Variants in MTUS2 observed in about 807,000 individuals in gnomAD.
MTUS2 encodes microtubule-associated tumor suppressor candidate 2.
A neutral mutation model predicts 114.1 loss-of-function variants in MTUS2; 40 were observed. The observed-to-expected ratio is 0.35, with a 90% CI of 0.27 to 0.46. The LOEUF (loss-of-function observed/expected upper bound fraction) is 0.46. Ranked by LOEUF, MTUS2 falls within the 20% of genes least tolerant of loss-of-function variation. The pLI, the probability that MTUS2 is intolerant of heterozygous loss-of-function variation, is 1.00. For missense variants in MTUS2, 1,679 were observed against 1,705.4 expected, an observed-to-expected ratio of 0.98 and a Z score of 0.27; for synonymous variants, 688 against 672.0, an observed-to-expected ratio of 1.02 and a Z score of -0.37.
At chr13:29,387,586 G>C (rs907895829) in intron 8 of MTUS2, among the ~76,000 whole-genome samples, 2 of 152,330 alleles carry the variant, frequency 1.3e-5, no homozygotes, top group East Asian at 3.9e-4. Flanking sequence ...CCAGAGTGAA[G>C]TGAGGGAGAC....
At chr13:28,849,007 T>G (rs1189466249) in intron 2 of MTUS2, among the ~76,000 whole-genome samples, 1 of 152,236 alleles carries the variant, frequency 6.6e-6, no homozygotes, top group South Asian at 2.1e-4. Context: ...CTGCATGGTC[T>G]TCTTATAACA....
At chr13:29,080,240 G>A (rs1314547792) in intron 4 of MTUS2, among the ~76,000 whole-genome samples, 1 of 152,070 alleles carries the variant, frequency 6.6e-6, no homozygotes, top group East Asian at 1.9e-4. Flanking sequence ...AAAGCAAAGT[G>A]GAATATTATA....
intron 2 of MTUS2, among the ~76,000 whole-genome samples, chr13:29,006,074 T>C (rs1885588276): frequency 6.6e-6 from 1 of 152,196 alleles, no homozygotes; most frequent in South Asian, 2.1e-4. Flanking sequence ...AATATTTCTC[T>C]TGTATGGAGG....
chr13:28,923,595 C>A (rs1881167482), intron 2 of MTUS2, among the ~76,000 whole-genome samples: 2 of 152,214 alleles, frequency 1.3e-5, no homozygotes, highest in South Asian at 4.1e-4. Flanking sequence ...CCTTGCCCCT[C>A]TAGACGGGGA....
chr13:29,455,621 T>C (rs1252423185), intron 9 of MTUS2, among the ~76,000 whole-genome samples: 2 of 152,112 alleles, frequency 1.3e-5, no homozygotes, highest in East Asian at 3.8e-4. Flanking sequence ...ATGTTGAGCA[T>C]GCATAAACAA....
intron 2 of MTUS2, among the ~76,000 whole-genome samples, chr13:28,875,024 T>C (rs575273178): frequency 1.3e-5 from 2 of 152,328 alleles, no homozygotes; most frequent in African/African-American, 2.4e-5. Flanking sequence ...TTTAGAAAAA[T>C]GGTTTGTGAA....
chr13:29,430,408 A>T (rs558322469), intron 8 of MTUS2, among the ~76,000 whole-genome samples: 10 of 152,286 alleles, frequency 6.6e-5, no homozygotes, highest in African/African-American at 2.4e-4. Flanking sequence ...AGATTTTGGA[A>T]GATAATTTAA....
At chr13:29,396,815 C>T (rs906257897) in intron 8 of MTUS2, among the ~76,000 whole-genome samples, 2 of 152,232 alleles carry the variant, frequency 1.3e-5, no homozygotes, top group Admixed American at 6.5e-5. Flanking sequence ...TTTAAGATCA[C>T]ACAGTCACTG....
At chr13:29,167,551 A>G (rs1893369036) in intron 5 of MTUS2, among the ~76,000 whole-genome samples, 2 of 150,750 alleles carry the variant, frequency 1.3e-5, no homozygotes, top group South Asian at 2.1e-4. Context: ...AAATTTGATC[A>G]TTAGAAGATA....
intron 2 of MTUS2, among the ~76,000 whole-genome samples, chr13:28,973,253 A>G (rs1321185943): frequency 1.3e-5 from 2 of 152,232 alleles, no homozygotes; most frequent in Non-Finnish European, 2.9e-5. Context: ...TAGCAAGAGT[A>G]ATGAAACAAC....
intron 2 of MTUS2, among the ~76,000 whole-genome samples, chr13:28,896,385 C>T (rs1879266988): frequency 6.6e-6 from 1 of 152,062 alleles, no homozygotes; most frequent in African/African-American, 2.4e-5. Context: ...CAAACCACTG[C>T]TCAATGAAAT....
intron 5 of MTUS2, among the ~76,000 whole-genome samples, chr13:29,244,404 C>T (rs986094356): frequency 1.3e-5 from 2 of 151,966 alleles, no homozygotes; most frequent in Non-Finnish European, 2.9e-5. Context: ...TGGAACAGTA[C>T]AAGAGTTTTC....
intron 2 of MTUS2, among the ~76,000 whole-genome samples, chr13:28,956,603 TAAA>T (rs1166759473): frequency 6.6e-6 from 1 of 152,066 alleles, no homozygotes; most frequent in Non-Finnish European, 1.5e-5. Flanking sequence ...CCATACATAA[TAAA>T]GACCCAAACT....
chr13:29,301,687 A>G (rs962844832), intron 6 of MTUS2, among the ~76,000 whole-genome samples: 4 of 152,226 alleles, frequency 2.6e-5, no homozygotes, highest in African/African-American at 9.6e-5. Flanking sequence ...AAGGAAAATA[A>G]CACCAACTTC....
At chr13:28,896,423 C>G (rs1879271925) in intron 2 of MTUS2, among the ~76,000 whole-genome samples, 1 of 152,208 alleles carries the variant, frequency 6.6e-6, no homozygotes, top group South Asian at 2.1e-4. Context: ...AATGGAAGAA[C>G]ATTCCATGCT....
At chr13:29,472,240 TCC>T (rs1347575705) in intron 9 of MTUS2, among the ~76,000 whole-genome samples, 3 of 152,176 alleles carry the variant, frequency 2.0e-5, no homozygotes, top group African/African-American at 7.2e-5. Context: ...CAGGCTGGTC[TCC>T]ATCTCCTGAC....
Position 29,150,694 on chromosome 13 carries a change from C to T in MTUS2, c.2644+49724C>T, listed in dbSNP as rs1477747511. ...ACATCTTACATTTGAGTCTTTAATC[C>T]ATCTTAAGTTAATGTTTTTATATAC... On this transcript the variant is annotated intron_variant, in intron 5 of 15. Coordinates refer to ENST00000612955, the MANE Select transcript of MTUS2 (RefSeq NM_001033602.4). Among the ~76,000 whole-genome samples the T allele has an allele frequency of 4.6e-5, 7 of 151,944 alleles. 1 individual carries two copies. Among genetic ancestry groups the T allele is most frequent in the Admixed American group, 4.6e-4 (7 of 15,212 alleles).
chr13:29,071,937 A>G (rs1289872070), intron 4 of MTUS2: 2 of 151,904 alleles, frequency 1.3e-5, no homozygotes, highest in Non-Finnish European at 2.9e-5. Context: ...AGAAGAGGAG[A>G]TGGTGGGTGG....
intron 6 of MTUS2, among the ~76,000 whole-genome samples, chr13:29,324,181 C>T (rs555738419): frequency 9.2e-5 from 14 of 152,322 alleles, no homozygotes; most frequent in East Asian, 5.8e-4. Context: ...GGCTTGGCTC[C>T]GGGTAATGCC....
Sources: gnomAD v4.1 joint callset for allele counts (sites outside exome capture counted in the v4.1 genomes callset) on GRCh38, gnomAD v4.1.1 for gene constraint, MANE v1.5 for transcripts, NCBI Gene and HGNC (gene_info 2026-07-23, HGNC 2026-07-21) for gene names.